The following VPS54 variants were observed in gnomAD, a reference collection of about 807,000 sequenced individuals.
VPS54 encodes vacuolar protein sorting-associated protein 54.
Under a neutral mutation model 121.5 loss-of-function variants are expected in VPS54, and 45 were observed. The ratio of observed to expected loss-of-function variants is 0.37; its 90% CI spans 0.29 to 0.47. VPS54 has a LOEUF of 0.47. Ranked by LOEUF, VPS54 falls within the 20% of genes least tolerant of loss-of-function variation. VPS54 has a pLI of 0.99. For synonymous variants in VPS54, 371 were observed against 385.8 expected (o/e 0.96, Z 0.45); for missense variants, 1,090 against 1,131.4 (o/e 0.96, Z 0.52).
At chr2:63,955,959 A>G (rs752884205) in intron 7 of VPS54, among the ~76,000 whole-genome samples, 5 of 152,154 alleles carry the variant, frequency 3.3e-5, no homozygotes, top group Non-Finnish European at 7.4e-5. Context: ...AATGACAACT[A>G]AAATATCACT....
At chr2:64,004,159 T>A (rs1678017868) in intron 1 of VPS54, among the ~76,000 whole-genome samples, 2 of 151,250 alleles carry the variant, frequency 1.3e-5, no homozygotes, top group African/African-American at 4.9e-5. Context: ...TAAAAATTAA[T>A]GGATACATAG....
chr2:63,974,876 AAC>A, intron 3 of VPS54: 1 of 1,221,266 alleles, frequency 8.2e-7, no homozygotes, highest in African/African-American at 1.5e-5. Context: ...TTCATCTGGA[AAC>A]AGTTTTACTT....
chr2:63,974,871 C>G (rs1676451610), intron 3 of VPS54: 1 of 1,174,660 alleles, frequency 8.5e-7, no homozygotes. Context: ...ATCATTTCAT[C>G]TGGAAACAGT....
chr2:64,000,091 A>G (rs1049159613), intron 1 of VPS54, among the ~76,000 whole-genome samples: 1 of 151,920 alleles, frequency 6.6e-6, no homozygotes, highest in African/African-American at 2.4e-5. Context: ...CGAACTCCTG[A>G]CCTCATGATC....
At chr2:63,931,574 C>G (rs1354416173) in intron 12 of VPS54, among the ~76,000 whole-genome samples, 1 of 152,156 alleles carries the variant, frequency 6.6e-6, no homozygotes, top group Non-Finnish European at 1.5e-5. Flanking sequence ...CTGGGCAATA[C>G]CATTCAGGAC....
intron 3 of VPS54, chr2:63,974,942 T>G (rs1387354049): frequency 2.0e-6 from 3 of 1,529,500 alleles, no homozygotes; most frequent in South Asian, 2.5e-5. Context: ...AGTTAGGACT[T>G]CCAAGACAAT....
intron 3 of VPS54, chr2:63,974,917 T>A: frequency 7.0e-7 from 1 of 1,433,708 alleles, no homozygotes; most frequent in Non-Finnish European, 9.3e-7. Flanking sequence ...TTTTATTTCC[T>A]TTTCTTATTA....
At chr2:63,985,531 C>G (rs948876388) in intron 1 of VPS54, among the ~76,000 whole-genome samples, 5 of 152,056 alleles carry the variant, frequency 3.3e-5, no homozygotes, top group Non-Finnish European at 7.4e-5. Flanking sequence ...CAAAGATAAA[C>G]AACTTCCTCA....
chr2:63,974,880 G>C (rs1328957915), intron 3 of VPS54: 2 of 1,278,376 alleles, frequency 1.6e-6, no homozygotes, highest in Non-Finnish European at 2.1e-6. Context: ...TCTGGAAACA[G>C]TTTTACTTCT....
intron 2 of VPS54, among the ~76,000 whole-genome samples, chr2:63,982,881 G>A (rs1286707565): frequency 6.6e-6 from 1 of 152,228 alleles, no homozygotes; most frequent in Non-Finnish European, 1.5e-5. Context: ...GGGAATGCAT[G>A]TGTCAGGTAT....
intron 12 of VPS54, among the ~76,000 whole-genome samples, chr2:63,928,771 C>T (rs549170630): frequency 1.7e-4 from 24 of 145,280 alleles, no homozygotes; most frequent in Admixed American, 7.7e-4. Flanking sequence ...ACCCATCTCA[C>T]ATGCAAAGAC....
chr2:63,965,714 T>C (rs1675962005), intron 6 of VPS54, 121 bp downstream of exon 6: 1 of 1,387,880 alleles, frequency 7.2e-7, no homozygotes, highest in African/African-American at 1.5e-5. Context: ...CTTATAGTTA[T>C]CAGTAAGAAC....
Position 63,898,515 on chromosome 2 carries a change from T to C in VPS54, c.2734-925A>G, listed in dbSNP as rs191582998. Among the ~76,000 whole-genome samples, 211 of 152,090 alleles carry C rather than the reference T, an allele frequency of 1.4e-3. 1 individual carries two copies. Among genetic ancestry groups the C allele is most frequent in the African/African-American group, 4.8e-3 (199 of 41,466 alleles). On this transcript the variant is annotated intron_variant, in intron 21 of 22. Coordinates refer to ENST00000272322, the MANE Select transcript of VPS54 (RefSeq NM_016516.3). ...ACGAAGAAAATGTTAACAGCTAGTATAGGATGGAAGTTTGAGGTAGCATAG... is the reference window on the plus strand; with the variant it reads ...ACGAAGAAAATGTTAACAGCTAGTACAGGATGGAAGTTTGAGGTAGCATAG...
Position 63,912,361 on chromosome 2 carries a change from T to C in VPS54, c.2609A>G (p.Asp870Gly). 6.2e-7 allele frequency: 1 copy of C among 1,609,832 alleles called. No individual in the cohort carries two copies. The highest frequency in any genetic ancestry group is 8.5e-7 in the Non-Finnish European group (1 of 1,177,776). The change falls in exon 20 of 23, where the codon GAC (aspartate) becomes GGC (glycine). Residue 870 changes from aspartate (D) to glycine (G), a missense_variant. Physicochemically the swap from Asp to Gly is moderately conservative, Grantham distance 94 (BLOSUM62 -1). Coordinates refer to ENST00000272322, the MANE Select transcript of VPS54 (RefSeq NM_016516.3). ...AATCATTACCTTAGATAACAGCTTG[T>C]CAAATAAGCTATCCATTATCGCTAC... ...KLVAIMDSLF[D>G]KLLSKYEVKA... is the part of the protein sequence containing the mutation.
At position 63,917,899 on chromosome 2, in the gene VPS54, T is replaced by C. The variant is rs114041339; in HGVS notation, c.2165-936A>G. On this transcript the variant is annotated intron_variant, in intron 15 of 22. Coordinates refer to ENST00000272322, the MANE Select transcript of VPS54 (RefSeq NM_016516.3). ...TGCCTTAGTTTCTAAATTTGTAAAA[T>C]AGGAATACTAATAATATCTAGCTCA... Among the ~76,000 whole-genome samples the C allele has an allele frequency of 5.9e-3, 891 of 152,046 alleles. 10 individuals are homozygous for C. Among genetic ancestry groups the C allele is most frequent in the African/African-American group, 0.02 (830 of 41,514 alleles).
At chr2:63,928,225 G>T (rs976510989) in intron 12 of VPS54, among the ~76,000 whole-genome samples, 9 of 152,268 alleles carry the variant, frequency 5.9e-5, no homozygotes, top group African/African-American at 1.7e-4. Context: ...ATTCACCAAG[G>T]GTGAAATGAA....
At chr2:63,949,365 T>C (rs1320433036) in intron 7 of VPS54, among the ~76,000 whole-genome samples, 1 of 152,182 alleles carries the variant, frequency 6.6e-6, no homozygotes, top group Non-Finnish European at 1.5e-5. Flanking sequence ...CTCTTTACAG[T>C]TGACCCTTGA....
chr2:63,898,131 T>A (rs138739307), intron 21 of VPS54, among the ~76,000 whole-genome samples: 140 of 152,330 alleles, frequency 9.2e-4, no homozygotes, highest in African/African-American at 3.0e-3. Context: ...TTACTAGTAT[T>A]CAAGTGGCAA....
In VPS54 at chr2:63,931,291, C is replaced by T. The variant is rs182378154; in HGVS notation, c.1739+2382G>A. On this transcript the variant is annotated intron_variant, in intron 12 of 22. Coordinates refer to ENST00000272322, the MANE Select transcript of VPS54 (RefSeq NM_016516.3). ...TACAATAATCAAAACAACATGATAC[C>T]GGTACCAAAACAGATATATAGACCA... Among the ~76,000 whole-genome samples the T allele has an allele frequency of 1.7e-3, 256 of 152,166 alleles. 2 individuals are homozygous for T. Among genetic ancestry groups the T allele is most frequent in the African/African-American group, 5.9e-3 (246 of 41,518 alleles).
Sources: allele counts gnomAD v4.1 joint callset (sites outside exome capture counted in the v4.1 genomes callset), GRCh38; gene constraint gnomAD v4.1.1; transcripts MANE v1.5; gene names NCBI Gene and HGNC (gene_info 2026-07-23, HGNC 2026-07-21).